PRKCH: variants seen among roughly 807,000 people sequenced by gnomAD.
PRKCH encodes protein kinase C eta, also known as protein kinase C eta type.
A neutral mutation model predicts 82.5 loss-of-function variants in PRKCH; 28 were observed. The ratio of observed to expected loss-of-function variants is 0.34; its 90% CI spans 0.25 to 0.47. The LOEUF (loss-of-function observed/expected upper bound fraction) is 0.47. Among genes scored for constraint, PRKCH ranks in the 20% least tolerant of loss-of-function variants. The pLI, the probability that PRKCH is intolerant of heterozygous loss-of-function variation, is 1.00. For synonymous variants in PRKCH, 322 were observed against 327.4 expected, an observed-to-expected ratio of 0.98 and a Z score of 0.18; for missense variants, 705 against 881.8, an observed-to-expected ratio of 0.80 and a Z score of 2.54.
intron 9 of PRKCH, among the ~76,000 whole-genome samples, chr14:61,467,845 A>T (rs1391254973): frequency 6.6e-6 from 1 of 152,232 alleles, no homozygotes; most frequent in African/African-American, 2.4e-5. Context: ...GTAAATATCC[A>T]TTGAACAAAA....
intron 2 of PRKCH, among the ~76,000 whole-genome samples, chr14:61,396,631 A>G (rs1478752018): frequency 6.6e-6 from 1 of 152,212 alleles, no homozygotes; most frequent in Non-Finnish European, 1.5e-5. Context: ...GTTTAGAGAA[A>G]GCTTTTCTGG....
chr14:61,240,451 T>C (rs11628896), intron 1 of PRKCH, among the ~76,000 whole-genome samples: 82,174 of 152,036 alleles, frequency 0.54, 24,230 homozygotes, highest in Non-Finnish European at 0.65. Flanking sequence ...CCTGCACATG[T>C]GGTGTTACCT....
chr14:61,503,925 A>G (rs1887027549), intron 10 of PRKCH, among the ~76,000 whole-genome samples: 1 of 152,184 alleles, frequency 6.6e-6, no homozygotes, highest in Non-Finnish European at 1.5e-5. Context: ...AAAACTTACC[A>G]GAGAAGCTCA....
At chr14:61,213,951 T>C (rs906745019) in intron 1 of PRKCH, among the ~76,000 whole-genome samples, 2 of 152,188 alleles carry the variant, frequency 1.3e-5, no homozygotes, top group African/African-American at 2.4e-5. Flanking sequence ...TGGGAACTTA[T>C]AGTTTAGAGA....
intron 10 of PRKCH, among the ~76,000 whole-genome samples, chr14:61,521,748 T>C (rs1666566338): frequency 6.6e-6 from 1 of 152,068 alleles, no homozygotes; most frequent in African/African-American, 2.4e-5. Flanking sequence ...TTTTTAAAGC[T>C]TACCTGGACT....
intron 1 of PRKCH, among the ~76,000 whole-genome samples, chr14:61,197,702 A>G (rs2044450838): frequency 6.6e-6 from 1 of 152,176 alleles, no homozygotes; most frequent in Non-Finnish European, 1.5e-5. Context: ...ATCTCTCAAT[A>G]TTGCCACGTT....
intron 1 of PRKCH, among the ~76,000 whole-genome samples, chr14:61,384,153 G>T (rs1284748285): frequency 6.6e-6 from 1 of 152,176 alleles, no homozygotes; most frequent in Non-Finnish European, 1.5e-5. Flanking sequence ...GATGGTCACG[G>T]TGCCTCAAGT....
Position 61,366,623 on chromosome 14 carries a change from G to A in PRKCH, c.364-24602G>A, listed in dbSNP as rs549617631. Among the ~76,000 whole-genome samples, 5 of 152,120 alleles carry A rather than the reference G, an allele frequency of 3.3e-5. No individual in the cohort carries two copies. The East Asian group carries it at 9.7e-4, about 29-fold the overall frequency. On this transcript the variant is annotated intron_variant, in intron 1 of 13. Transcript: ENST00000332981. ...TCCTGTGTATAAGGAAATGGATGTC[G>A]GTCATTTCAACTGTACTGTTAATTG...
chr14:61,325,521 A>G (rs530910300), intron 1 of PRKCH, among the ~76,000 whole-genome samples: 2 of 152,374 alleles, frequency 1.3e-5, no homozygotes, highest in East Asian at 1.9e-4. Flanking sequence ...TGAAACTTCT[A>G]TAAGAAAACA....
chr14:61,246,243 T>TG (rs1158261718), intron 1 of PRKCH, among the ~76,000 whole-genome samples: 1 of 120,784 alleles, frequency 8.3e-6, no homozygotes, highest in Non-Finnish European at 1.7e-5. Flanking sequence ...CCATCTCTAC[T>TG]GGAAAAAAAA....
intron 10 of PRKCH, among the ~76,000 whole-genome samples, chr14:61,492,606 C>T (rs1298742859): frequency 6.6e-6 from 1 of 152,202 alleles, no homozygotes; most frequent in African/African-American, 2.4e-5. Context: ...GGCATTCAAC[C>T]CTGTTTACTC....
chr14:61,538,601 C>A (rs28594269), intron 12 of PRKCH, among the ~76,000 whole-genome samples: 2 of 152,038 alleles, frequency 1.3e-5, no homozygotes, highest in Non-Finnish European at 2.9e-5. Context: ...TATCTCCATC[C>A]CTGCCAGGAA....
chr14:61,504,051 T>C (rs1357285261), intron 10 of PRKCH, among the ~76,000 whole-genome samples: 1 of 152,194 alleles, frequency 6.6e-6, no homozygotes, highest in African/African-American at 2.4e-5. Flanking sequence ...AAAATTGTTT[T>C]AACTTTGAAT....
intron 3 of PRKCH, among the ~76,000 whole-genome samples, 180 bp downstream of exon 3, chr14:61,443,441 A>G (rs1356967385): frequency 1.3e-5 from 2 of 152,234 alleles, no homozygotes; most frequent in Admixed American, 6.5e-5. Flanking sequence ...ACATCTAAAT[A>G]ATTTACAGAT....
At chr14:61,281,411 C>T in intron 1 of PRKCH, 2 of 317,412 alleles carry the variant, frequency 6.3e-6, no homozygotes, top group Admixed American at 5.1e-5. Context: ...CCGCACCTCG[C>T]CCGCCCCTTC....
chr14:61,514,796 C>T (rs1311344203), intron 10 of PRKCH, among the ~76,000 whole-genome samples: 1 of 152,148 alleles, frequency 6.6e-6, no homozygotes, highest in South Asian at 2.1e-4. Context: ...AATGAGTCTC[C>T]TCATGGATAT....
chr14:61,334,025 C>A (rs1010824501), intron 1 of PRKCH, among the ~76,000 whole-genome samples: 1 of 152,048 alleles, frequency 6.6e-6, no homozygotes, highest in Non-Finnish European at 1.5e-5. Context: ...ACAGACAACC[C>A]GATGTTGGTG....
At chr14:61,314,985 C>T (rs531697315) in intron 1 of PRKCH, among the ~76,000 whole-genome samples, 84 of 152,224 alleles carry the variant, frequency 5.5e-4, no homozygotes, top group Admixed American at 1.6e-3. Context: ...AGTTGTGGGT[C>T]GTTCTTTACT....
intron 1 of PRKCH, among the ~76,000 whole-genome samples, chr14:61,217,550 C>T (rs1440666916): frequency 6.6e-6 from 1 of 152,216 alleles, no homozygotes; most frequent in Non-Finnish European, 1.5e-5. Flanking sequence ...CTTAGTCCGG[C>T]CTCCTCTATT....
Sources: allele counts gnomAD v4.1 joint callset (sites outside exome capture counted in the v4.1 genomes callset), GRCh38; gene constraint gnomAD v4.1.1; transcripts MANE v1.5; gene names NCBI Gene and HGNC (gene_info 2026-07-23, HGNC 2026-07-21).